NTRK3: variants seen among roughly 807,000 people sequenced by gnomAD.
NTRK3 encodes the protein neurotrophic receptor tyrosine kinase 3, also known as NT-3 growth factor receptor.
NTRK3 carries 24 observed loss-of-function variants against 91.7 expected under a neutral mutation model. That is an observed-to-expected ratio of 0.26 (90% confidence interval 0.19 to 0.37). NTRK3 has a LOEUF of 0.37. Ranked by LOEUF, NTRK3 falls within the 10% of genes least tolerant of loss-of-function variation. The probability of loss-of-function intolerance (pLI) is 1.00; values close to 1 mark genes in which losing one functional copy is unlikely to be tolerated. For synonymous variants in NTRK3, 483 were observed against 404.0 expected (o/e 1.20, Z -2.34); for missense variants, 880 against 1,068.9 (o/e 0.82, Z 2.46).
intron 14 of NTRK3, among the ~76,000 whole-genome samples, chr15:88,005,465 G>A (rs866194006): frequency 1.1e-4 from 16 of 152,228 alleles, no homozygotes; most frequent in Middle Eastern, 3.4e-3. Context: ...AAGTCTGTCC[G>A]CCCTAAAACA....
intron 14 of NTRK3, among the ~76,000 whole-genome samples, chr15:88,023,206 A>C (rs1212713476): frequency 6.6e-6 from 1 of 152,154 alleles, no homozygotes; most frequent in African/African-American, 2.4e-5. Context: ...ACTAAAGTTC[A>C]AGCCCATGGG....
At chr15:87,968,783 G>C (rs1045401632) in intron 14 of NTRK3, among the ~76,000 whole-genome samples, 3 of 152,124 alleles carry the variant, frequency 2.0e-5, no homozygotes, top group African/African-American at 7.2e-5. Context: ...AGATGGAAGA[G>C]AGAGCATGTG....
At chr15:87,969,813 C>G (rs1198544797) in intron 14 of NTRK3, among the ~76,000 whole-genome samples, 2 of 152,112 alleles carry the variant, frequency 1.3e-5, no homozygotes, top group African/African-American at 4.8e-5. Flanking sequence ...TTCAGAAAAT[C>G]TTGCCGAGAA....
exon 1 of NTRK3, chr15:88,256,722 G>A (rs1598220013): frequency 5.5e-6 from 2 of 363,566 alleles, no homozygotes; most frequent in East Asian, 8.0e-5. Context: ...CCGCGCGGCT[G>A]CAGAAATGTA....
chr15:87,932,964 G>A (rs374800962), intron 16 of NTRK3, 48 bp downstream of exon 16: 11 of 1,603,634 alleles, frequency 6.9e-6, no homozygotes, highest in African/African-American at 6.7e-5. Context: ...AACCCCAAGG[G>A]TTCGGTGGGA....
chr15:88,056,746 T>C (rs889941066), intron 13 of NTRK3, among the ~76,000 whole-genome samples: 1 of 152,206 alleles, frequency 6.6e-6, no homozygotes, highest in African/African-American at 2.4e-5. Context: ...TCTCAGTATC[T>C]CCCCATTGGG....
intron 17 of NTRK3, among the ~76,000 whole-genome samples, chr15:87,903,821 A>T (rs1952763056): frequency 6.6e-6 from 1 of 152,208 alleles, no homozygotes; most frequent in Admixed American, 6.5e-5. Context: ...ACCACATTCC[A>T]CAATTTCAAA....
intron 13 of NTRK3, among the ~76,000 whole-genome samples, chr15:88,068,807 G>A (rs867715002): frequency 6.6e-6 from 1 of 152,106 alleles, no homozygotes; most frequent in African/African-American, 2.4e-5. Flanking sequence ...TGGGGCTCCA[G>A]GGAGATGCCA....
In NTRK3 at chr15:87,900,489, G is replaced by A. The variant is rs1262160657; in HGVS notation, c.2134-20061C>T. On this transcript the variant is annotated intron_variant, in intron 17 of 18. Coordinates refer to ENST00000394480, the Ensembl canonical transcript of NTRK3. ...AGTGTGCCATCCTGTGGTCTTGGCA[G>A]CCCATGTTTTCTTTTGGTCTCAATG... Among the ~76,000 whole-genome samples the A allele has an allele frequency of 3.9e-5, 6 of 152,284 alleles. No individual in the cohort carries two copies. The East Asian group carries it at 1.2e-3, about 29-fold the overall frequency.
chr15:88,208,198 G>T (rs2141379022), intron 3 of NTRK3, among the ~76,000 whole-genome samples: 1 of 152,152 alleles, frequency 6.6e-6, no homozygotes, highest in South Asian at 2.1e-4. Context: ...GGCACTCTGT[G>T]TGCCCAGGAA....
chr15:88,057,616 G>A (rs867603192), intron 13 of NTRK3, among the ~76,000 whole-genome samples: 7 of 152,316 alleles, frequency 4.6e-5, no homozygotes, highest in South Asian at 2.1e-4. Context: ...GGAGAGCAAA[G>A]GTCCTTCTAC....
chr15:87,906,008 A>G (rs1661210621), intron 17 of NTRK3, among the ~76,000 whole-genome samples: 1 of 152,218 alleles, frequency 6.6e-6, no homozygotes, highest in Non-Finnish European at 1.5e-5. Context: ...CCAGCCATGC[A>G]AATCAGCCCA....
intron 13 of NTRK3, among the ~76,000 whole-genome samples, chr15:88,064,447 G>A (rs1344293520): frequency 1.3e-5 from 2 of 152,148 alleles, no homozygotes; most frequent in Non-Finnish European, 2.9e-5. Context: ...ATTCTCTACT[G>A]TTGGTTCTTT....
intron 7 of NTRK3, 59 bp from the exon 8 acceptor site, chr15:88,136,668 T>C: frequency 6.3e-7 from 1 of 1,578,370 alleles, no homozygotes; most frequent in Non-Finnish European, 8.6e-7. Flanking sequence ...CAAAGGAAGC[T>C]CTGTCCATGG....
At chr15:87,988,209 C>A (rs2141454138) in intron 14 of NTRK3, among the ~76,000 whole-genome samples, 1 of 152,280 alleles carries the variant, frequency 6.6e-6, no homozygotes, top group Admixed American at 6.5e-5. Flanking sequence ...GTCTTCCTTC[C>A]CAATATCCCA....
chr15:87,978,241 G>T, intron 14 of NTRK3: 1 of 231,064 alleles, frequency 4.3e-6, no homozygotes. Flanking sequence ...TTTGGGAGAG[G>T]GTGGCCATGG....
rs1491166187 is a variant in NTRK3, at chr15:88,033,176, T to TCATA, written c.1397-132_1397-131insTATG. 4.6e-4 allele frequency: 91 copies of TCATA among 196,054 alleles called. 5 individuals carry two copies. The highest frequency in any genetic ancestry group is 6.1e-4 in the Non-Finnish European group (69 of 113,536). The allele number at this position is 196,054 out of a possible 1,614,324, so 12.1% of individuals were successfully genotyped here. On this transcript the variant is annotated intron_variant, in intron 13 of 18. Coordinates refer to ENST00000394480, the Ensembl canonical transcript of NTRK3. ...CTTTTTTTTACTTTTGGGGGGTGTG[T>TCATA]TATATATATATATATATATATATAT...
At chr15:87,871,232 G>A (rs946614721) in exon 19 of NTRK3, 15 of 230,678 alleles carry the variant, frequency 6.5e-5, no homozygotes, top group African/African-American at 3.3e-4. Context: ...GCAAACTATA[G>A]ATACTTTCAT....
intron 13 of NTRK3, among the ~76,000 whole-genome samples, chr15:88,091,553 G>A (rs1421077691): frequency 6.6e-6 from 1 of 152,220 alleles, no homozygotes; most frequent in Non-Finnish European, 1.5e-5. Context: ...AGTGATGTCT[G>A]CTGTACGCAC....
Sources: gnomAD v4.1 joint callset for allele counts (sites outside exome capture counted in the v4.1 genomes callset) on GRCh38, gnomAD v4.1.1 for gene constraint, MANE v1.5 for transcripts, NCBI Gene and HGNC (gene_info 2026-07-23, HGNC 2026-07-21) for gene names.